TACC2: variants seen among roughly 807,000 people sequenced by gnomAD.
The protein encoded by TACC2 is transforming acidic coiled-coil-containing protein 2.
In TACC2, 137 loss-of-function variants were observed where a neutral mutation model predicts 227.3. That is an observed-to-expected ratio of 0.60 (90% CI 0.52 to 0.69). The LOEUF (loss-of-function observed/expected upper bound fraction) is 0.69, where lower values mean the gene tolerates loss of function less well. Ranked by LOEUF, TACC2 falls within the 30% of genes least tolerant of loss-of-function variation. TACC2 has a pLI of 0.00. For synonymous variants in TACC2, 1,523 were observed against 1,487.5 expected (o/e 1.02, Z -0.55); for missense variants, 3,470 against 3,694.4 (o/e 0.94, Z 1.57).
At chr10:122,024,165 G>A (rs905626765) in intron 2 of TACC2, among the ~76,000 whole-genome samples, 7 of 152,066 alleles carry the variant, frequency 4.6e-5, no homozygotes, top group Non-Finnish European at 8.8e-5. Context: ...TCCTGGAGTT[G>A]AAGATTAGTC....
At chr10:122,096,522 C>G (rs2137454138) in intron 5 of TACC2, among the ~76,000 whole-genome samples, 1 of 152,240 alleles carries the variant, frequency 6.6e-6, no homozygotes, top group South Asian at 2.1e-4. Flanking sequence ...CATGGTAAAA[C>G]CCTGTCTCTA....
intron 5 of TACC2, among the ~76,000 whole-genome samples, chr10:122,123,743 C>T (rs145055845): frequency 2.1e-4 from 32 of 151,744 alleles, no homozygotes; most frequent in Admixed American, 3.3e-4. Flanking sequence ...AGAACTATGC[C>T]GGTGTTCTGA....
rs1198381623 is a variant in TACC2, at chr10:122,210,714, G to A, written c.6289G>A (p.Ala2097Thr). Reference protein sequence around the residue: ...LSLQASDFDGASSSGNPEAVA... With the variant: ...LSLQASDFDGTSSSGNPEAVA... ...CCTGCAAGCCAGTGACTTTGATGGTGCTTCTTCCTCAGGCAATCCCGAGGC... is the reference window on the plus strand; with the variant it reads ...CCTGCAAGCCAGTGACTTTGATGGTACTTCTTCCTCAGGCAATCCCGAGGC... Residue 2097 changes from alanine to threonine, a missense_variant, in exon 9 of 23, where the codon GCT becomes ACT. Coordinates refer to ENST00000369005, the MANE Select transcript of TACC2 (RefSeq NM_206862.4). The surrounding 1 kb of genome is among the most constrained non-coding windows in gnomAD (Gnocchi z 4.6). 6.2e-7 allele frequency: 1 copy of A among 1,614,082 alleles called. No homozygotes were observed. Among genetic ancestry groups the A allele is most frequent in the South Asian group, 1.1e-5 (1 of 91,070 alleles).
In TACC2 at chr10:122,115,808, G is replaced by A. The variant is rs746511444; in HGVS notation, c.5574-16801G>A. 7.9e-5 allele frequency among the ~76,000 whole-genome samples: 12 copies of A among 152,146 alleles called. No homozygotes were observed. In the South Asian group the frequency reaches 8.3e-4, roughly 11 times the overall value. On this transcript the variant is annotated intron_variant, in intron 5 of 22. Coordinates refer to ENST00000369005, the MANE Select transcript of TACC2 (RefSeq NM_206862.4). ...TTGGTTCCATAGCCAAAAGCGAAGC[G>A]TTCTTGGATTTACTGTAGCTGGGGT...
intron 3 of TACC2, among the ~76,000 whole-genome samples, chr10:122,064,864 T>G (rs1240097035): frequency 2.0e-5 from 3 of 152,332 alleles, no homozygotes; most frequent in African/African-American, 7.2e-5. Flanking sequence ...TTTGAGAGCT[T>G]GATGAATGCT....
At chr10:122,181,860 T>C (rs1245790951) in intron 7 of TACC2, among the ~76,000 whole-genome samples, 1 of 151,354 alleles carries the variant, frequency 6.6e-6, no homozygotes, top group Non-Finnish European at 1.5e-5. Context: ...TAGTGTGCTG[T>C]TTACCAGCTA....
intron 1 of TACC2, among the ~76,000 whole-genome samples, chr10:122,020,975 T>C (rs1957260999): frequency 6.6e-6 from 1 of 152,190 alleles, no homozygotes; most frequent in Admixed American, 6.5e-5. Context: ...CTCATGCCTG[T>C]AATCCCAGCA....
chr10:121,994,792 T>C (rs1329980446), intron 1 of TACC2: 2 of 152,228 alleles, frequency 1.3e-5, no homozygotes. Context: ...ATTAGAGGGA[T>C]AAAAGCATTG....
chr10:122,242,772 T>C (rs1433758574), intron 19 of TACC2, among the ~76,000 whole-genome samples: 1 of 152,162 alleles, frequency 6.6e-6, no homozygotes, highest in African/African-American at 2.4e-5. Context: ...TTAAAATTAA[T>C]TAATTATTTG....
chr10:121,994,550 C>G (rs10159998), intron 1 of TACC2: 1 of 152,114 alleles, frequency 6.6e-6, no homozygotes, highest in East Asian at 1.9e-4. Flanking sequence ...CCTCCCAGGC[C>G]GGCGTTCCCA....
chr10:122,231,797 C>T (rs2095755507), intron 16 of TACC2, among the ~76,000 whole-genome samples: 1 of 152,198 alleles, frequency 6.6e-6, no homozygotes, highest in Non-Finnish European at 1.5e-5. Flanking sequence ...GCTGTGATCA[C>T]TTGATTGCAC....
At chr10:122,130,903 A>G (rs1440384199) in intron 5 of TACC2, among the ~76,000 whole-genome samples, 2 of 152,206 alleles carry the variant, frequency 1.3e-5, no homozygotes, top group Non-Finnish European at 2.9e-5. Flanking sequence ...ACCACACCAC[A>G]GAGTTTTCCA....
At chr10:122,008,989 C>T (rs998109089) in intron 1 of TACC2, among the ~76,000 whole-genome samples, 1 of 152,196 alleles carries the variant, frequency 6.6e-6, no homozygotes, top group Non-Finnish European at 1.5e-5. Context: ...AATCATCTGA[C>T]AATAATGCTA....
chr10:122,041,765 T>C (rs985460874), intron 2 of TACC2, among the ~76,000 whole-genome samples: 1 of 152,198 alleles, frequency 6.6e-6, no homozygotes, highest in Non-Finnish European at 1.5e-5. Flanking sequence ...GAGAGTTTCT[T>C]TACTGTCACC....
rs531851854 is a variant in TACC2, at chr10:122,086,033, G to A, written c.3533G>A (p.Arg1178His). The A allele has an allele frequency of 2.5e-6, 4 of 1,613,872 alleles. No homozygotes were observed. The highest frequency in any genetic ancestry group is 1.1e-5 in the South Asian group (1 of 91,076). The change falls in exon 4 of 23, where the codon CGT becomes CAT. Residue 1178 changes from arginine to histidine, a missense_variant. Arg to His is a conservative substitution (Grantham distance 29, BLOSUM62 0). Transcript: ENST00000369005. ...GAGGAAGCTTCTACCTCTGCCCTAC[G>A]TGAGTCCTGCCAAGCTGAGCACCCC... ...SGEEASTSAL[R>H]ESCQAEHPMA...
chr10:122,132,097 A>C (rs2088385439), intron 5 of TACC2, among the ~76,000 whole-genome samples: 1 of 147,648 alleles, frequency 6.8e-6, no homozygotes, highest in African/African-American at 2.6e-5. Context: ...AGATCTACAA[A>C]GGTTTCTAAA....
chr10:122,149,559 C>T lies in TACC2; in HGVS notation c.5834+5853C>T, dbSNP rs532480451. On this transcript the variant is annotated intron_variant, in intron 7 of 22. Transcript: ENST00000369005. The stretch of plus-strand genomic sequence containing the variant: ...TCCCTTCCCTCTGTCAACACTTCTC[C>T]AAGACTCCAGAGTTTTTCCTGCGCA... Among the ~76,000 whole-genome samples the T allele has an allele frequency of 5.4e-3, 822 of 152,230 alleles. 9 individuals are homozygous for T. Among genetic ancestry groups the T allele is most frequent in the African/African-American group, 0.018 (735 of 41,536 alleles).
At chr10:122,253,337 G>A (rs903414507) in intron 22 of TACC2, among the ~76,000 whole-genome samples, 4 of 152,166 alleles carry the variant, frequency 2.6e-5, no homozygotes, top group Non-Finnish European at 5.9e-5. Flanking sequence ...TGGAGGGATC[G>A]TCCCGTTGGA....
rs11817550 is a variant in TACC2, at chr10:122,237,263, A to G, written c.8128-132A>G. On this transcript the variant is annotated intron_variant, in intron 16 of 22. Coordinates refer to ENST00000369005, the MANE Select transcript of TACC2 (RefSeq NM_206862.4). ...CATTTCCCTGTTCATCAGTCTTTGC[A>G]CTTTCTCATACTTTTGATGTTCTTT... 7,221 of 873,706 alleles carry G rather than the reference A, an allele frequency of 8.3e-3. 199 individuals carry two copies. Among genetic ancestry groups the G allele is most frequent in the African/African-American group, 0.082 (4,862 of 59,014 alleles). 54.1% of individuals were successfully genotyped at this position (873,706 alleles called of 1,614,324 possible).
Sources: allele counts gnomAD v4.1 joint callset (sites outside exome capture counted in the v4.1 genomes callset), GRCh38; gene constraint gnomAD v4.1.1; non-coding constraint Gnocchi (gnomAD v3.1); transcripts MANE v1.5; gene names NCBI Gene and HGNC (gene_info 2026-07-23, HGNC 2026-07-21).